Variants in ITIH5 observed in about 807,000 individuals in gnomAD.
ITIH5 encodes inter-alpha-trypsin inhibitor heavy chain 5, also known as inter-alpha-trypsin inhibitor heavy chain H5.
Under a neutral mutation model 77.5 loss-of-function variants are expected in ITIH5, and 65 were observed. The observed-to-expected ratio is 0.84, with a 90% CI of 0.69 to 1.03. The LOEUF (loss-of-function observed/expected upper bound fraction) is 1.03, where lower values mean the gene tolerates loss of function less well. Among genes scored for constraint, ITIH5 ranks in the 50% least tolerant of loss-of-function variants. The pLI is 0.00. For missense variants in ITIH5, 1,208 were observed against 1,213.1 expected (o/e 1.00, Z 0.06); for synonymous variants, 525 against 494.3 (o/e 1.06, Z -0.82).
chr10:7,649,930 C>T (rs1315553231), intron 2 of ITIH5, among the ~76,000 whole-genome samples: 1 of 152,210 alleles, frequency 6.6e-6, no homozygotes, highest in Admixed American at 6.5e-5. Context: ...AACATGCTTT[C>T]CATATTTCTA....
intron 5 of ITIH5, chr10:7,617,564 C>T (rs960097988): frequency 4.4e-6 from 1 of 226,990 alleles, no homozygotes; most frequent in Non-Finnish European, 8.5e-6. Flanking sequence ...CCAACTTTAA[C>T]AAACATCAGC....
intron 2 of ITIH5, among the ~76,000 whole-genome samples, chr10:7,642,331 T>G (rs1170686315): frequency 6.6e-6 from 1 of 152,208 alleles, no homozygotes; most frequent in Non-Finnish European, 1.5e-5. Context: ...TCTTTTAACC[T>G]GACTTTAACA....
In ITIH5 at chr10:7,615,963, G is replaced by A; in HGVS notation, c.939+19C>T. The A allele has an allele frequency of 7.1e-7, 1 of 1,411,946 alleles. No individual in the cohort carries two copies. The highest frequency in any genetic ancestry group is 1.0e-6 in the Non-Finnish European group (1 of 996,120). 87.5% of individuals were successfully genotyped at this position (1,411,946 alleles called of 1,614,324 possible). A position where few individuals can be genotyped will look rare whatever the true frequency, so the allele number is the denominator to read the frequency against. On this transcript the variant is annotated intron_variant, in intron 7 of 13. Transcript: ENST00000397146. ...GCAAAAGCGAGAGAGGAATAAATGGGCGGTTGGCACTCACTCACCTGCCGG... is the reference window on the plus strand; with the variant it reads ...GCAAAAGCGAGAGAGGAATAAATGGACGGTTGGCACTCACTCACCTGCCGG...
intron 4 of ITIH5, 70 bp downstream of exon 4, chr10:7,640,684 A>G: frequency 1.1e-6 from 1 of 901,998 alleles, no homozygotes; most frequent in Admixed American, 1.9e-5. Context: ...CAAGAGGAGT[A>G]GGCAAAGGCA....
At chr10:7,565,796 A>G (rs1410730673) in intron 13 of ITIH5, among the ~76,000 whole-genome samples, 1 of 149,210 alleles carries the variant, frequency 6.7e-6, no homozygotes, top group Non-Finnish European at 1.5e-5. Context: ...TATATATAAT[A>G]CATATATACA....
chr10:7,646,915 C>G (rs149023017), intron 2 of ITIH5, among the ~76,000 whole-genome samples: 1,783 of 152,284 alleles, frequency 0.012, 17 homozygotes, highest in Non-Finnish European at 0.019. Context: ...CTCTACTGGT[C>G]AAAGCAGGCA....
intron 7 of ITIH5, among the ~76,000 whole-genome samples, chr10:7,606,109 C>T (rs917846768): frequency 2.0e-5 from 3 of 152,098 alleles, no homozygotes; most frequent in South Asian, 2.1e-4. Context: ...ATAACAGATG[C>T]GGGCAACGTT....
At chr10:7,666,742 G>A (rs942250716) in intron 1 of ITIH5, 61 bp downstream of exon 1, 3 of 1,402,672 alleles carry the variant, frequency 2.1e-6, no homozygotes, top group South Asian at 1.2e-5. Flanking sequence ...CTCCGCGGCC[G>A]GGCCGGCGGA....
intron 2 of ITIH5, among the ~76,000 whole-genome samples, chr10:7,651,800 G>A (rs1020628251): frequency 6.6e-6 from 1 of 151,972 alleles, no homozygotes; most frequent in Non-Finnish European, 1.5e-5. Flanking sequence ...CCCAATGCAG[G>A]CTCTGAGACA....
rs1564280500 is a variant in ITIH5 at position 7,649,519 on chromosome 10, TGGATAGATAG to T, written c.135+6102_135+6111del. 3.4e-5 allele frequency among the ~76,000 whole-genome samples: 4 copies of T among 117,530 alleles called. No individual in the cohort carries two copies. The East Asian group carries it at 1.5e-3, about 45-fold the overall frequency. 77.1% of individuals were successfully genotyped at this position (117,530 alleles called of 152,430 possible). On this transcript the variant is annotated intron_variant, in intron 2 of 13. Transcript: ENST00000397146. ...GTGGATAGATGGATAGATAGATAGA[TGGATAGATAG>T]ATAGGTAGGTAGATAGATAGATAGA...
chr10:7,613,113 C>CTG, intron 7 of ITIH5, among the ~76,000 whole-genome samples: 1 of 152,122 alleles, frequency 6.6e-6, no homozygotes, highest in South Asian at 2.1e-4. Context: ...GGCATGGTGG[C>CTG]GAGCACCTGT....
chr10:7,641,182 A>G (rs1298777576), intron 3 of ITIH5, among the ~76,000 whole-genome samples: 6 of 152,168 alleles, frequency 3.9e-5, no homozygotes, highest in African/African-American at 7.2e-5. Context: ...AGCCCGTTTT[A>G]CATATCTTTA....
intron 7 of ITIH5, among the ~76,000 whole-genome samples, chr10:7,609,910 G>A (rs947081115): frequency 2.6e-5 from 4 of 152,024 alleles, no homozygotes; most frequent in Middle Eastern, 3.2e-3. Flanking sequence ...AGACAAGAAA[G>A]TGGACACCAT....
At chr10:7,615,623 A>C (rs1007855376) in intron 7 of ITIH5, among the ~76,000 whole-genome samples, 1 of 152,194 alleles carries the variant, frequency 6.6e-6, no homozygotes, top group Non-Finnish European at 1.5e-5. Context: ...GAGGCTTCCA[A>C]TGATTCTATT....
intron 2 of ITIH5, among the ~76,000 whole-genome samples, chr10:7,644,380 C>CAT (rs1278360434): frequency 3.0e-5 from 3 of 101,648 alleles, no homozygotes; most frequent in South Asian, 3.6e-4. Context: ...ATATATATCA[C>CAT]ATATATCACA....
intron 7 of ITIH5, among the ~76,000 whole-genome samples, chr10:7,593,417 C>A (rs1832834721): frequency 2.2e-5 from 2 of 92,810 alleles, no homozygotes; most frequent in Non-Finnish European, 4.7e-5. Context: ...AGCCTGCAGC[C>A]ACCCAGCCCC....
chr10:7,566,354 T>G lies in ITIH5; in HGVS notation c.2203A>C (p.Lys735Gln). The change falls in exon 13 of 14, where the codon AAG (lysine) becomes CAG (glutamine). Residue 735 changes from lysine (K) to glutamine (Q), a missense_variant. By Grantham distance (53) the Lys-to-Gln change is moderately conservative. Coordinates refer to ENST00000397146, the MANE Select transcript of ITIH5 (RefSeq NM_030569.7). ...IGAPAPPNGH[K>Q]KQRTYLRTIT... ...GTGCGCAAGTAAGTGCGCTGTTTCTTGTGGCCATTTGGAGGGGCGGGTGCC... is the reference window on the plus strand; with the variant it reads ...GTGCGCAAGTAAGTGCGCTGTTTCTGGTGGCCATTTGGAGGGGCGGGTGCC... 1 of 1,606,388 alleles carries G rather than the reference T, an allele frequency of 6.2e-7. No homozygotes were observed. The highest frequency in any genetic ancestry group is 1.1e-5 in the South Asian group (1 of 90,950).
intron 5 of ITIH5, among the ~76,000 whole-genome samples, chr10:7,631,847 C>CAA (rs140556529): frequency 6.6e-6 from 1 of 151,400 alleles, no homozygotes; most frequent in Non-Finnish European, 1.5e-5. Flanking sequence ...AGTGCAATGG[C>CAA]AAAATCTCAG....
At chr10:7,601,469 A>G (rs1833013818) in intron 7 of ITIH5, among the ~76,000 whole-genome samples, 1 of 152,230 alleles carries the variant, frequency 6.6e-6, no homozygotes, top group African/African-American at 2.4e-5. Context: ...ACTGAGGATT[A>G]GCTGAGGCTT....
Sources: allele counts gnomAD v4.1 joint callset (sites outside exome capture counted in the v4.1 genomes callset), GRCh38; gene constraint gnomAD v4.1.1; transcripts MANE v1.5; gene names NCBI Gene and HGNC (gene_info 2026-07-23, HGNC 2026-07-21).